CSPP1: variants seen among roughly 807,000 people sequenced by gnomAD.
CSPP1 encodes the protein centrosome and spindle pole-associated protein 1.
In CSPP1, 126 loss-of-function variants were observed where a neutral mutation model predicts 164.4. The ratio of observed to expected loss-of-function variants is 0.77; its 90% confidence interval spans 0.66 to 0.89. The LOEUF (loss-of-function observed/expected upper bound fraction) is 0.89, where lower values mean the gene tolerates loss of function less well. Ranked by LOEUF, CSPP1 falls within the 40% of genes least tolerant of loss-of-function variation. The pLI is 0.00. For missense variants in CSPP1, 1,395 were observed against 1,449.8 expected (o/e 0.96, Z 0.61); for synonymous variants, 472 against 476.7 (o/e 0.99, Z 0.13).
At chr8:67,162,055 G>A in intron 22 of CSPP1, 140 bp downstream of exon 22, 1 of 607,092 alleles carries the variant, frequency 1.6e-6, no homozygotes, top group Non-Finnish European at 2.9e-6. Flanking sequence ...ACAGTAATTT[G>A]CCTGCTGCTT....
chr8:67,165,038 C>A (rs1829045359), intron 24 of CSPP1, among the ~76,000 whole-genome samples: 1 of 152,150 alleles, frequency 6.6e-6, no homozygotes, highest in Admixed American at 6.5e-5. Flanking sequence ...AATCCCAGCA[C>A]TTTTGGGAGG....
intron 30 of CSPP1, among the ~76,000 whole-genome samples, chr8:67,194,719 G>A (rs1837422923): frequency 1.3e-5 from 2 of 151,266 alleles, no homozygotes; most frequent in African/African-American, 4.9e-5. Context: ...ATATCACAGG[G>A]TAGGAAGACA....
chr8:67,169,884 A>T (rs577305651), intron 24 of CSPP1, among the ~76,000 whole-genome samples: 1 of 152,238 alleles, frequency 6.6e-6, no homozygotes, highest in East Asian at 1.9e-4. Flanking sequence ...AGTAGGTGGG[A>T]CTACAGGTGC....
At position 67,105,377 on chromosome 8, in the gene CSPP1, TTTTG is replaced by T. The variant is rs1476214970; in HGVS notation, c.1023-524_1023-521del. On this transcript the variant is annotated intron_variant, in intron 8 of 30. Transcript: ENST00000678616. ...ACAGCCAGTGAAGCAAGCTGAATGTTTTTGTTTTTGTTTTTGTTTTTGATATGTG... is the reference window on the plus strand; with the variant it reads ...ACAGCCAGTGAAGCAAGCTGAATGTTTTTTTGTTTTTGTTTTTGATATGTG... Among the ~76,000 whole-genome samples, 4 of 151,842 alleles carry T rather than the reference TTTTG, an allele frequency of 2.6e-5. No individual in the cohort carries two copies. In the East Asian group the frequency reaches 5.8e-4, roughly 22 times the overall value.
In CSPP1 at chr8:67,094,551, C is replaced by T. The variant is rs1169955689; in HGVS notation, c.484-742C>T. 3.3e-5 allele frequency among the ~76,000 whole-genome samples: 5 copies of T among 151,848 alleles called. No individual in the cohort carries two copies. In the East Asian group the frequency reaches 7.7e-4, roughly 24 times the overall value. On this transcript the variant is annotated intron_variant, in intron 6 of 30. Coordinates refer to ENST00000678616, the MANE Select transcript of CSPP1 (RefSeq NM_001382391.1). Reference sequence around the variant, plus strand: ...CCTCCCAAAGTGCTGGGATTACAGGCGTGAGCCACCAGGCCCTGCCACAGA... The same window carrying T: ...CCTCCCAAAGTGCTGGGATTACAGGTGTGAGCCACCAGGCCCTGCCACAGA...
chr8:67,172,045 T>A (rs1033732555), intron 24 of CSPP1, among the ~76,000 whole-genome samples: 2 of 147,836 alleles, frequency 1.4e-5, no homozygotes, highest in Middle Eastern at 3.7e-3. Flanking sequence ...ATGGGGTTTC[T>A]CCACGTTGGC....
chr8:67,168,677 C>T (rs1387640909), intron 24 of CSPP1, among the ~76,000 whole-genome samples: 1 of 152,146 alleles, frequency 6.6e-6, no homozygotes, highest in Non-Finnish European at 1.5e-5. Context: ...AAAGACATCT[C>T]AGAGTTGGTT....
At position 67,158,438 on chromosome 8, in the gene CSPP1, A is replaced by G. The variant is rs779762451; in HGVS notation, c.2242-9A>G. ...TTTACAAGATAAATAACTAAGTTTA[A>G]TTCTTTAGATTGAGGAAAAGAAACA... On this transcript the variant is annotated splice_polypyrimidine_tract_variant and intron_variant, in intron 19 of 30. Transcript: ENST00000678616. The G allele has an allele frequency of 1.9e-6, 3 of 1,564,898 alleles. No individual in the cohort carries two copies. The highest frequency in any genetic ancestry group is 2.6e-6 in the Non-Finnish European group (3 of 1,153,430).
At chr8:67,067,192 A>G (rs1409237710) in intron 1 of CSPP1, among the ~76,000 whole-genome samples, 2 of 152,106 alleles carry the variant, frequency 1.3e-5, no homozygotes, top group African/African-American at 2.4e-5. Context: ...GGATAGGAGC[A>G]ACATTTTCCC....
intron 24 of CSPP1, among the ~76,000 whole-genome samples, chr8:67,170,325 T>C (rs1284579645): frequency 6.7e-6 from 1 of 149,406 alleles, no homozygotes; most frequent in Admixed American, 6.7e-5. Flanking sequence ...AGTGTGGTGG[T>C]GCGTGCCTGT....
At chr8:67,137,130 C>T (rs1055754600) in intron 16 of CSPP1, among the ~76,000 whole-genome samples, 17 of 151,840 alleles carry the variant, frequency 1.1e-4, no homozygotes, top group Admixed American at 5.3e-4. Context: ...TACACATGTG[C>T]GCAACCACAC....
intron 26 of CSPP1, 148 bp downstream of exon 26, chr8:67,175,584 G>A (rs1831419788): frequency 1.1e-6 from 1 of 879,066 alleles, no homozygotes; most frequent in African/African-American, 1.7e-5. Flanking sequence ...TGTAGTACCA[G>A]AAAAGAACAA....
chr8:67,190,713 C>G lies in CSPP1; in HGVS notation c.3284C>G (p.Pro1095Arg), dbSNP rs761602177. The change falls in exon 29 of 31, where the codon CCC becomes CGC. Residue 1095 changes from proline to arginine, a missense_variant. Physicochemically the swap from Pro to Arg is moderately radical, Grantham distance 103. Transcript: ENST00000678616. ...DDVLPPPSQL[P>R]SARERRRNKW... ...GTCCTCCCTCCACCATCACAGTTGCCCTCTGCACGGGAGCGCAGGAGGAAC... is the reference window on the plus strand; with the variant it reads ...GTCCTCCCTCCACCATCACAGTTGCGCTCTGCACGGGAGCGCAGGAGGAAC... 4 of 1,613,974 alleles carry G rather than the reference C, an allele frequency of 2.5e-6. No individual in the cohort carries two copies. The South Asian group carries it at 4.4e-5, about 18-fold the overall frequency.
chr8:67,114,080 A>G, intron 11 of CSPP1: 2 of 380,588 alleles, frequency 5.3e-6, no homozygotes, highest in Non-Finnish European at 9.4e-6. Flanking sequence ...ATTTTTTTAA[A>G]GTTTAAATTA....
chr8:67,156,907 AG>A (rs935922992), intron 19 of CSPP1, among the ~76,000 whole-genome samples: 1 of 152,218 alleles, frequency 6.6e-6, no homozygotes, highest in Non-Finnish European at 1.5e-5. Flanking sequence ...CATGACAGGA[AG>A]ATAGCTTTCC....
intron 19 of CSPP1, 54 bp downstream of exon 19, chr8:67,154,190 C>G (rs1479714505): frequency 1.1e-6 from 1 of 874,572 alleles, no homozygotes; most frequent in African/African-American, 1.7e-5. Flanking sequence ...ATAAACAAAA[C>G]TTGCAAAGAT....
chr8:67,163,827 A>G (rs1409842681), intron 23 of CSPP1, 29 bp downstream of exon 23: 2 of 1,503,530 alleles, frequency 1.3e-6, no homozygotes, highest in East Asian at 4.5e-5. Flanking sequence ...CCTGTTACCT[A>G]GAGTATTTCT....
intron 13 of CSPP1, 50 bp downstream of exon 13, chr8:67,116,172 AT>A: frequency 7.5e-7 from 1 of 1,330,166 alleles, no homozygotes; most frequent in Non-Finnish European, 1.1e-6. Flanking sequence ...GTATTGCTAT[AT>A]TTTATGTTTA....
chr8:67,180,991 T>G (rs1270908477), intron 28 of CSPP1, among the ~76,000 whole-genome samples: 1 of 152,128 alleles, frequency 6.6e-6, no homozygotes, highest in Admixed American at 6.5e-5. Flanking sequence ...GATTTTCATG[T>G]GATAAAATTC....
Sources: allele counts gnomAD v4.1 joint callset (sites outside exome capture counted in the v4.1 genomes callset), GRCh38; gene constraint gnomAD v4.1.1; transcripts MANE v1.5; gene names NCBI Gene and HGNC (gene_info 2026-07-23, HGNC 2026-07-21).